OR10X1: variants seen among roughly 807,000 people sequenced by gnomAD.
OR10X1 encodes the protein olfactory receptor 10X1.
For synonymous variants in OR10X1, 179 were observed against 142.6 expected, an observed-to-expected ratio of 1.26 and a Z score of -1.82; for missense variants, 449 against 387.0, an observed-to-expected ratio of 1.16 and a Z score of -1.34.
At position 158,579,459 on chromosome 1, in the gene OR10X1, T is replaced by G; in HGVS notation, c.441A>C (p.Arg147Ser). ...CAATGTTGGTCATAAGCAGTGGATA[T>G]CTTAGAGGGTTACAGATGGCCAGGA... Reference protein sequence around the residue: ...DRFLAICNPLRYPLLMTNIVC... With the variant: ...DRFLAICNPLSYPLLMTNIVC... The change falls in exon 1 of 1, where the codon AGA (arginine) becomes AGC (serine). Residue 147 changes from arginine to serine, a missense_variant. Transcript: ENST00000623167. The G allele has an allele frequency of 6.2e-7, 1 of 1,614,032 alleles. No individual in the cohort carries two copies. The highest frequency in any genetic ancestry group is 1.3e-5 in the African/African-American group (1 of 75,008).
chr1:158,578,936 C>A lies in OR10X1; in HGVS notation c.964G>T (p.Val322Phe). The change falls in exon 1 of 1, where the codon GTT becomes TTT. Residue 322 changes from valine to phenylalanine, a missense_variant. Coordinates refer to ENST00000623167, the MANE Select transcript of OR10X1 (RefSeq NM_001004477.1). ...NAFRRMMGNT[V>F]ALKK ...ACCCAAGATTATTTTTTCAAGGCAA[C>A]TGTGTTTCCCATCATTCTTCTAAAA... 2 of 1,587,630 alleles carry A rather than the reference C, an allele frequency of 1.3e-6. No individual in the cohort carries two copies. The highest frequency in any genetic ancestry group is 1.7e-6 in the Non-Finnish European group (2 of 1,170,406).
In OR10X1 at chr1:158,578,999, TG is replaced by T. The variant is rs1196856666; in HGVS notation, c.900del (p.Ile301SerfsTer5). 6.8e-6 allele frequency: 11 copies of T among 1,613,720 alleles called. No homozygotes were observed. The highest frequency in any genetic ancestry group is 9.3e-6 in the Non-Finnish European group (11 of 1,179,862). On this transcript the variant is annotated frameshift_variant, in exon 1 of 1. Coordinates refer to ENST00000623167, the MANE Select transcript of OR10X1 (RefSeq NM_001004477.1). LOFTEE classifies it low-confidence loss of function (END_TRUNC). Reference protein sequence around the residue: ...PYTVITPFLSPIIFSLRNKDM... With the variant: ...PYTVITPFLSXIIFSLRNKDM... ...TCCTTATTCCTCAGGCTGAATATGA[TG>T]GGGCTGAGGAAGGGGGTAATGACAG... is the stretch of plus-strand genomic sequence containing the variant.
rs144823085 is a variant in OR10X1, at chr1:158,579,225, A to G, written c.675T>C (p.Gly225=). The G allele has an allele frequency of 3.7e-6, 6 of 1,613,790 alleles. No individual in the cohort carries two copies. Among genetic ancestry groups the G allele is most frequent in the Admixed American group, 3.3e-5 (2 of 59,950 alleles). The change falls in exon 1 of 1, where the codon GGT becomes GGC. Residue 225 remains glycine, a synonymous_variant. Coordinates refer to ENST00000623167, the MANE Select transcript of OR10X1 (RefSeq NM_001004477.1). ...CAGTCAGGATGATGAGCAGAAGGGTACCCAGCAAACCAGACACTGAGATCA... is the reference window on the plus strand; with the variant it reads ...CAGTCAGGATGATGAGCAGAAGGGTGCCCAGCAAACCAGACACTGAGATCA... ...ITLISVSGLL[G]TLLLIILTDV... is the part of the protein sequence containing the mutation.
Position 158,579,369 on chromosome 1 carries a change from T to G in OR10X1, c.531A>C (p.Ala177=). ...TGCAGAAAGAGTCCCTGAATATCAGTGCAGTCTCTGTAAGAGAGATAAAGA... is the reference window on the plus strand; with the variant it reads ...TGCAGAAAGAGTCCCTGAATATCAGGGCAGTCTCTGTAAGAGAGATAAAGA... The part of the protein sequence containing the change: ...AGFFISLTET[A]LIFRDSFCRP... The change falls in exon 1 of 1, where the codon GCA becomes GCC. Residue 177 remains alanine (A), a synonymous_variant. Coordinates refer to ENST00000623167, the MANE Select transcript of OR10X1 (RefSeq NM_001004477.1). 6.2e-7 allele frequency: 1 copy of G among 1,613,966 alleles called. No homozygotes were observed. Among genetic ancestry groups the G allele is most frequent in the Admixed American group, 1.7e-5 (1 of 59,982 alleles).
Position 158,579,459 on chromosome 1 carries a change from T to C in OR10X1, c.441A>G (p.Arg147=), listed in dbSNP as rs1298173355. ...CAATGTTGGTCATAAGCAGTGGATA[T>C]CTTAGAGGGTTACAGATGGCCAGGA... ...DRFLAICNPL[R]YPLLMTNIVC... is the part of the protein sequence containing the mutation. The change falls in exon 1 of 1, where the codon AGA becomes AGG. Residue 147 remains arginine (R), a synonymous_variant. Coordinates refer to ENST00000623167, the MANE Select transcript of OR10X1 (RefSeq NM_001004477.1). 4 of 1,614,032 alleles carry C rather than the reference T, an allele frequency of 2.5e-6. No individual in the cohort carries two copies. The South Asian group carries it at 3.3e-5, about 13-fold the overall frequency.
Position 158,579,014 on chromosome 1 carries a change from G to A in OR10X1, c.886C>T (p.Pro296Ser). ...LIAVPYTVITPFLSPIIFSLR... is the reference protein window; with the variant it reads ...LIAVPYTVITSFLSPIIFSLR... ...CTGAATATGATGGGGCTGAGGAAGGGGGTAATGACAGTATAAGGGACTGCT... is the reference window on the plus strand; with the variant it reads ...CTGAATATGATGGGGCTGAGGAAGGAGGTAATGACAGTATAAGGGACTGCT... The change falls in exon 1 of 1, where the codon CCC becomes TCC. Residue 296 changes from proline to serine, a missense_variant. Coordinates refer to ENST00000623167, the MANE Select transcript of OR10X1 (RefSeq NM_001004477.1). 6.2e-7 allele frequency: 1 copy of A among 1,613,910 alleles called. No homozygotes were observed. Among genetic ancestry groups the A allele is most frequent in the Non-Finnish European group, 8.5e-7 (1 of 1,179,884 alleles).
At position 158,579,643 on chromosome 1, in the gene OR10X1, T is replaced by TA; in HGVS notation, c.256_257insT (p.Glu86ValfsTer29). 1 of 1,614,026 alleles carries TA rather than the reference T, an allele frequency of 6.2e-7. No homozygotes were observed. Among genetic ancestry groups the TA allele is most frequent in the Non-Finnish European group, 8.5e-7 (1 of 1,179,964 alleles). On this transcript the variant is annotated frameshift_variant, in exon 1 of 1. Coordinates refer to ENST00000623167, the MANE Select transcript of OR10X1 (RefSeq NM_001004477.1). LOFTEE classifies it low-confidence loss of function (END_TRUNC). ...GACGATGGTCAGCGTATAGCAGGTC[T>TA]CAGAGAAGGAGAGTGCACTAAGGAA...
Position 158,579,785 on chromosome 1 carries a change from C to G in OR10X1, c.115G>C (p.Val39Leu), listed in dbSNP as rs746988786. 2 of 1,614,084 alleles carry G rather than the reference C, an allele frequency of 1.2e-6. No individual in the cohort carries two copies. The highest frequency in any genetic ancestry group is 1.7e-6 in the Non-Finnish European group (2 of 1,179,982). The change falls in exon 1 of 1, where the codon GTA becomes CTA. Residue 39 changes from valine to leucine, a missense_variant. Physicochemically the swap from Val to Leu is conservative, Grantham distance 32. Coordinates refer to ENST00000623167, the MANE Select transcript of OR10X1 (RefSeq NM_001004477.1). ...AAGACCACAAAAAGAAATGTCTGTACATGTGGGTACACAGAAAAGCCAACA... is the reference window on the plus strand; with the variant it reads ...AAGACCACAAAAAGAAATGTCTGTAGATGTGGGTACACAGAAAAGCCAACA... ...ILVGFSVYPH[V>L]QTFLFVVFFC...
chr1:158,579,041 T>C lies in OR10X1; in HGVS notation c.859A>G (p.Ile287Val). ...KPEASGDDTL[I>V]AVPYTVITPF... ...GTAATGACAGTATAAGGGACTGCTATGAGTGTGTCATCTCCTGAGGCTTCT... is the reference window on the plus strand; with the variant it reads ...GTAATGACAGTATAAGGGACTGCTACGAGTGTGTCATCTCCTGAGGCTTCT... Residue 287 changes from isoleucine (I) to valine (V), a missense_variant, in exon 1 of 1, where the codon ATA becomes GTA. By Grantham distance (29) the Ile-to-Val change is conservative (BLOSUM62 3). Transcript: ENST00000623167. 1 of 1,614,092 alleles carries C rather than the reference T, an allele frequency of 6.2e-7. No homozygotes were observed. Among genetic ancestry groups the C allele is most frequent in the South Asian group, 1.1e-5 (1 of 91,076 alleles).
rs552029068 is a variant in OR10X1 at position 158,579,284 on chromosome 1, T to C, written c.616A>G (p.Ile206Val). ...ATGAATTCTGTGTGGTTACTGTCTA[T>C]ACAAGACAGCCTAATAACTGCCAGC... ...HMLAVIRLSC[I>V]DSNHTEFIIT... The change falls in exon 1 of 1, where the codon ATA becomes GTA. Residue 206 changes from isoleucine (I) to valine (V), a missense_variant. By Grantham distance (29) the Ile-to-Val change is conservative (BLOSUM62 3). Transcript: ENST00000623167. 27 of 1,613,952 alleles carry C rather than the reference T, an allele frequency of 1.7e-5. No individual in the cohort carries two copies. The highest frequency in any genetic ancestry group is 1.5e-4 in the South Asian group (14 of 91,070).
Position 158,579,692 on chromosome 1 carries a change from A to C in OR10X1, c.208T>G (p.Ser70Ala). The C allele has an allele frequency of 6.2e-7, 1 of 1,613,946 alleles. No individual in the cohort carries two copies. The highest frequency in any genetic ancestry group is 8.5e-7 in the Non-Finnish European group (1 of 1,179,918). The part of the protein sequence containing the change: ...IIMGLTWVDR[S>A]LHTPMYLFLS... ...AAGAGATACATAGGGGTGTGGAGGG[A>C]CCTGTCCACCCAAGTTAGACCCATG... is the stretch of plus-strand genomic sequence containing the variant. Residue 70 changes from serine to alanine, a missense_variant, in exon 1 of 1, where the codon TCC (serine) becomes GCC (alanine). Physicochemically the swap from Ser to Ala is moderately conservative, Grantham distance 99. Coordinates refer to ENST00000623167, the MANE Select transcript of OR10X1 (RefSeq NM_001004477.1).
rs764682681 is a variant in OR10X1, at chr1:158,579,827, G to T, written c.73C>A (p.Leu25Met). 6 of 1,612,586 alleles carry T rather than the reference G, an allele frequency of 3.7e-6. No homozygotes were observed. The highest frequency in any genetic ancestry group is 8.5e-7 in the Non-Finnish European group (1 of 1,179,590). ...AAGCCAACAAGAATGAATTCCTTCA[G>T]GATTGTCTGGTTGATCTTCATCGTT... ...IQTMKINQTI[L>M]KEFILVGFSV... is the part of the protein sequence containing the mutation. Residue 25 changes from leucine to methionine, a missense_variant, in exon 1 of 1, where the codon CTG (leucine) becomes ATG (methionine). Leu to Met is a conservative substitution (Grantham distance 15). Coordinates refer to ENST00000623167, the MANE Select transcript of OR10X1 (RefSeq NM_001004477.1).
chr1:158,579,572 C>CT lies in OR10X1; in HGVS notation c.327dup (p.Val110SerfsTer5). 1 of 1,614,108 alleles carries CT rather than the reference C, an allele frequency of 6.2e-7. No individual in the cohort carries two copies. The highest frequency in any genetic ancestry group is 1.3e-5 in the African/African-American group (1 of 75,038). Reference sequence around the variant, plus strand: ...CACATCTGTAAGCTACAACCTGTGACTGAAATGCTTCTGTCCTTGGCCAGT... The same window carrying CT: ...CACATCTGTAAGCTACAACCTGTGACTTGAAATGCTTCTGTCCTTGGCCAGT... On this transcript the variant is annotated frameshift_variant, in exon 1 of 1. Coordinates refer to ENST00000623167, the MANE Select transcript of OR10X1 (RefSeq NM_001004477.1). LOFTEE classifies it low-confidence loss of function (END_TRUNC).
In OR10X1 at chr1:158,579,412, G is replaced by A; in HGVS notation, c.488C>T (p.Ser163Phe). The change falls in exon 1 of 1, where the codon TCT (serine) becomes TTT (phenylalanine). Residue 163 changes from serine to phenylalanine, a missense_variant. Coordinates refer to ENST00000623167, the MANE Select transcript of OR10X1 (RefSeq NM_001004477.1). ...TNIVCGQLVA[S>F]ACTAGFFISL... is the part of the protein sequence containing the mutation. ...GATAAAGAAGCCTGCAGTGCAAGCA[G>A]AGGCCACAAGTTGTCCACATACAAT... 1.2e-6 allele frequency: 2 copies of A among 1,614,032 alleles called. No homozygotes were observed. Among genetic ancestry groups the A allele is most frequent in the Non-Finnish European group, 1.7e-6 (2 of 1,179,986 alleles).
rs1160981453 is a variant in OR10X1, at chr1:158,579,698, C to T, written c.202G>A (p.Asp68Asn). ...NLIIMGLTWV[D>N]RSLHTPMYLF... ...TACATAGGGGTGTGGAGGGACCTGTCCACCCAAGTTAGACCCATGATGATC... is the reference window on the plus strand; with the variant it reads ...TACATAGGGGTGTGGAGGGACCTGTTCACCCAAGTTAGACCCATGATGATC... The change falls in exon 1 of 1, where the codon GAC (aspartate) becomes AAC (asparagine). Residue 68 changes from aspartate (D) to asparagine (N), a missense_variant. Physicochemically the swap from Asp to Asn is conservative, Grantham distance 23. Transcript: ENST00000623167. The T allele has an allele frequency of 5.6e-6, 9 of 1,613,874 alleles. No homozygotes were observed. The highest frequency in any genetic ancestry group is 5.5e-5 in the South Asian group (5 of 91,046).
At position 158,579,808 on chromosome 1, in the gene OR10X1, A is replaced by C; in HGVS notation, c.92T>G (p.Val31Gly). ...TACATGTGGGTACACAGAAAAGCCA[A>C]CAAGAATGAATTCCTTCAGGATTGT... ...NQTILKEFILVGFSVYPHVQT... is the reference protein window; with the variant it reads ...NQTILKEFILGGFSVYPHVQT... The change falls in exon 1 of 1, where the codon GTT becomes GGT. Residue 31 changes from valine to glycine, a missense_variant. Val to Gly is a moderately radical substitution (Grantham distance 109, BLOSUM62 -3). Transcript: ENST00000623167. 1 of 1,613,932 alleles carries C rather than the reference A, an allele frequency of 6.2e-7. No homozygotes were observed. The highest frequency in any genetic ancestry group is 1.3e-5 in the African/African-American group (1 of 75,058).
rs1557904747 is a variant in OR10X1, at chr1:158,579,559, C to T, written c.341G>A (p.Ser114Asn). The T allele has an allele frequency of 6.2e-7, 1 of 1,613,936 alleles. No individual in the cohort carries two copies. The highest frequency in any genetic ancestry group is 1.3e-5 in the African/African-American group (1 of 74,914). Residue 114 changes from serine (S) to asparagine (N), a missense_variant, in exon 1 of 1, where the codon AGC becomes AAC. Coordinates refer to ENST00000623167, the MANE Select transcript of OR10X1 (RefSeq NM_001004477.1). The stretch of plus-strand genomic sequence containing the variant: ...TCCCAAGAAGAAGCACATCTGTAAG[C>T]TACAACCTGTGACTGAAATGCTTCT... Reference protein sequence around the residue: ...KDRSISVTGCSLQMCFFLGLG... With the variant: ...KDRSISVTGCNLQMCFFLGLG...
chr1:158,579,437 T>C lies in OR10X1; in HGVS notation c.463A>G (p.Ile155Val). Residue 155 changes from isoleucine (I) to valine (V), a missense_variant, in exon 1 of 1, where the codon ATT becomes GTT. Ile to Val is a conservative substitution (Grantham distance 29, BLOSUM62 3). Coordinates refer to ENST00000623167, the MANE Select transcript of OR10X1 (RefSeq NM_001004477.1). ...GAGGCCACAAGTTGTCCACATACAA[T>C]GTTGGTCATAAGCAGTGGATATCTT... ...PLRYPLLMTNIVCGQLVASAC... is the reference protein window; with the variant it reads ...PLRYPLLMTNVVCGQLVASAC... The C allele has an allele frequency of 6.2e-7, 1 of 1,614,022 alleles. No individual in the cohort carries two copies. Among genetic ancestry groups the C allele is most frequent in the Non-Finnish European group, 8.5e-7 (1 of 1,179,990 alleles).
Position 158,578,938 on chromosome 1 carries a change from G to T in OR10X1, c.962C>A (p.Thr321Lys). The T allele has an allele frequency of 6.3e-7, 1 of 1,592,802 alleles. No individual in the cohort carries two copies. The highest frequency in any genetic ancestry group is 8.5e-7 in the Non-Finnish European group (1 of 1,172,422). The change falls in exon 1 of 1, where the codon ACA (threonine) becomes AAA (lysine). Residue 321 changes from threonine (T) to lysine (K), a missense_variant. Thr to Lys is a moderately conservative substitution (Grantham distance 78, BLOSUM62 -1). Transcript: ENST00000623167. ...KNAFRRMMGN[T>K]VALKK ...CCAAGATTATTTTTTCAAGGCAACT[G>T]TGTTTCCCATCATTCTTCTAAAAGC...
Sources: gnomAD v4.1 joint callset for allele counts on GRCh38, gnomAD v4.1.1 for gene constraint, MANE v1.5 for transcripts, NCBI Gene and HGNC (gene_info 2026-07-23, HGNC 2026-07-21) for gene names.